USP46: variants seen among roughly 807,000 people sequenced by gnomAD.
USP46 encodes the protein ubiquitin carboxyl-terminal hydrolase 46.
Under a neutral mutation model 44.4 loss-of-function variants are expected in USP46, and 12 were observed. That is an observed-to-expected ratio of 0.27 (90% CI 0.17 to 0.44). The LOEUF (loss-of-function observed/expected upper bound fraction) is 0.44, where lower values mean the gene tolerates loss of function less well. Ranked by LOEUF, USP46 falls within the 20% of genes least tolerant of loss-of-function variation. The probability of loss-of-function intolerance (pLI) is 1.00; values close to 1 mark genes in which losing one functional copy is unlikely to be tolerated. For missense variants in USP46, 248 were observed against 444.8 expected, an observed-to-expected ratio of 0.56 and a Z score of 3.98; for synonymous variants, 155 against 161.5, an observed-to-expected ratio of 0.96 and a Z score of 0.31.
intron 1 of USP46, among the ~76,000 whole-genome samples, chr4:52,632,078 G>A (rs1317469041): frequency 1.3e-5 from 2 of 152,036 alleles, no homozygotes; most frequent in Non-Finnish European, 2.9e-5. Flanking sequence ...AGAGAGGTAA[G>A]TGAGGTAAGT....
At chr4:52,614,348 TA>T (rs1355034474) in intron 4 of USP46, among the ~76,000 whole-genome samples, 27 of 152,012 alleles carry the variant, frequency 1.8e-4, no homozygotes, top group African/African-American at 6.3e-4. Context: ...GCAGGATAAA[TA>T]CAAAGAAGGT....
At chr4:52,625,946 T>C (rs1222847883) in intron 4 of USP46, 72 bp downstream of exon 4, 29 of 1,386,986 alleles carry the variant, frequency 2.1e-5, no homozygotes, top group Non-Finnish European at 2.7e-5. Context: ...TAATACGACA[T>C]TGCAATCACA....
chr4:52,657,040 C>CA (rs959028429), intron 1 of USP46, among the ~76,000 whole-genome samples: 3,082 of 26,890 alleles, frequency 0.11, 128 homozygotes, highest in African/African-American at 0.17. Context: ...GAGACCTTGT[C>CA]AAAAAAAAAA....
chr4:52,591,730 G>A lies in USP46; in HGVS notation c.*5910C>T, dbSNP rs1377593628. ...GTTCAAATCCCTTTAAAACATAAAGGAACCTTAAAAAGCAAACAAAGGCTG... is the reference window on the plus strand; with the variant it reads ...GTTCAAATCCCTTTAAAACATAAAGAAACCTTAAAAAGCAAACAAAGGCTG... On this transcript the variant is annotated 3_prime_UTR_variant, in exon 9 of 9. Transcript: ENST00000441222. The A allele has an allele frequency of 6.6e-6, 1 of 152,054 alleles. No individual in the cohort carries two copies. Among genetic ancestry groups the A allele is most frequent in the Non-Finnish European group, 1.5e-5 (1 of 68,004 alleles). 9.4% of individuals were successfully genotyped at this position (152,054 alleles called of 1,614,324 possible).
At chr4:52,607,207 C>G (rs931552928) in intron 5 of USP46, among the ~76,000 whole-genome samples, 5 of 152,154 alleles carry the variant, frequency 3.3e-5, no homozygotes, top group Admixed American at 1.3e-4. Flanking sequence ...ATGTAAAGAC[C>G]CATTTTACAA....
intron 5 of USP46, among the ~76,000 whole-genome samples, chr4:52,609,903 T>G (rs1381790899): frequency 2.4e-5 from 1 of 42,080 alleles, no homozygotes; most frequent in African/African-American, 1.3e-4. Flanking sequence ...TATTTCTTTT[T>G]TTTTTTTTTT....
rs1247932607 is a variant in USP46 at position 52,626,129 on chromosome 4, T to A, written c.450A>T (p.Lys150Asn). The A allele has an allele frequency of 6.2e-6, 10 of 1,613,814 alleles. No homozygotes were observed. Among genetic ancestry groups the A allele is most frequent in the African/African-American group, 2.7e-5 (2 of 74,926 alleles). ...CCGCAGGTTCGTTCATGTTGCCATT[T>A]TTTAATTTTCCATTTTGTTTTTCCT... ...KKQEKQNGKLKNGNMNEPAEN... is the reference protein window; with the variant it reads ...KKQEKQNGKLNNGNMNEPAEN... The change falls in exon 4 of 9, where the codon AAA becomes AAT. Residue 150 changes from lysine to asparagine, a missense_variant. Lys to Asn is a moderately conservative substitution (Grantham distance 94, BLOSUM62 0). Around this residue, in one of 5 missense-constraint regions of USP46, gnomAD observed 37 missense variants for 30.6 expected, o/e 1.21. Coordinates refer to ENST00000441222, the MANE Select transcript of USP46 (RefSeq NM_022832.4).
chr4:52,598,481 G>A (rs1716331713), intron 8 of USP46, 147 bp downstream of exon 8: 2 of 751,324 alleles, frequency 2.7e-6, no homozygotes, highest in Non-Finnish European at 4.4e-6. Context: ...ATGGGGATTA[G>A]CAGAATTTGG....
intron 1 of USP46, among the ~76,000 whole-genome samples, chr4:52,653,151 G>A (rs149082682): frequency 2.8e-4 from 43 of 152,256 alleles, no homozygotes; most frequent in African/African-American, 8.9e-4. Flanking sequence ...AGTCCCAGAA[G>A]AGAAATATTC....
intron 8 of USP46, 175 bp downstream of exon 8, chr4:52,598,445 ACACCCCTT>A (rs1716330115): frequency 1.6e-6 from 1 of 610,168 alleles, no homozygotes; most frequent in Non-Finnish European, 2.9e-6. Context: ...GTCCATGATC[ACACCCCTT>A]CTCCCTTTCC....
intron 4 of USP46, among the ~76,000 whole-genome samples, chr4:52,622,258 A>AT (rs1236650416): frequency 6.6e-6 from 1 of 152,184 alleles, no homozygotes; most frequent in African/African-American, 2.4e-5. Flanking sequence ...GGGCATATGG[A>AT]TTTTTTAAAC....
At chr4:52,654,286 T>C (rs988458247) in intron 1 of USP46, among the ~76,000 whole-genome samples, 1 of 152,196 alleles carries the variant, frequency 6.6e-6, no homozygotes, top group African/African-American at 2.4e-5. Flanking sequence ...AAACTTATAA[T>C]TGCCAACTAT....
At chr4:52,610,178 C>T (rs1716887555) in intron 5 of USP46, among the ~76,000 whole-genome samples, 1 of 151,832 alleles carries the variant, frequency 6.6e-6, no homozygotes, top group South Asian at 2.1e-4. Flanking sequence ...CCCGTCTCGG[C>T]CTCCCAAAGT....
At chr4:52,653,061 T>A (rs980583020) in intron 1 of USP46, among the ~76,000 whole-genome samples, 1 of 152,200 alleles carries the variant, frequency 6.6e-6, no homozygotes. Context: ...CTTAAAACTA[T>A]CCATTGCAAA....
chr4:52,599,599 G>A (rs1261824246), intron 7 of USP46, among the ~76,000 whole-genome samples: 2 of 152,190 alleles, frequency 1.3e-5, no homozygotes, highest in African/African-American at 2.4e-5. Flanking sequence ...TTAAAAAGCC[G>A]TATACTATGC....
chr4:52,627,818 A>G, intron 3 of USP46, 132 bp downstream of exon 3: 1 of 1,024,534 alleles, frequency 9.8e-7, no homozygotes, highest in South Asian at 1.9e-5. Flanking sequence ...TTCTTAAAAA[A>G]TGACACCGAG....
intron 1 of USP46, among the ~76,000 whole-genome samples, chr4:52,658,793 G>A (rs955798516): frequency 4.6e-5 from 7 of 151,976 alleles, no homozygotes; most frequent in African/African-American, 9.7e-5. Context: ...CCCCCTCCCC[G>A]GGGACGTTCA....
At chr4:52,613,106 T>C (rs1560396200) in intron 4 of USP46, among the ~76,000 whole-genome samples, 1 of 152,094 alleles carries the variant, frequency 6.6e-6, no homozygotes, top group African/African-American at 2.4e-5. Context: ...AGGAGAGCTG[T>C]ACACAACGAG....
chr4:52,638,000 G>C (rs967282203), intron 1 of USP46, among the ~76,000 whole-genome samples: 1 of 152,160 alleles, frequency 6.6e-6, no homozygotes, highest in Non-Finnish European at 1.5e-5. Flanking sequence ...GCACCCCTAG[G>C]TTAAGTCAGC....
Sources: allele counts gnomAD v4.1 joint callset (sites outside exome capture counted in the v4.1 genomes callset), GRCh38; gene constraint gnomAD v4.1.1; regional missense constraint gnomAD v4.1.1; transcripts MANE v1.5; gene names NCBI Gene and HGNC (gene_info 2026-07-23, HGNC 2026-07-21).